AGO4: variants seen among roughly 807,000 people sequenced by gnomAD.
The protein encoded by AGO4 is argonaute RISC component 4, also known as protein argonaute-4.
A neutral mutation model predicts 104.7 loss-of-function variants in AGO4; 33 were observed. That is an observed-to-expected ratio of 0.32 (90% CI 0.24 to 0.42). The LOEUF is 0.42. Among genes scored for constraint, AGO4 ranks in the 10% least tolerant of loss-of-function variants. AGO4 has a pLI of 1.00. For missense variants in AGO4, 711 were observed against 1,083.4 expected, an observed-to-expected ratio of 0.66 and a Z score of 4.83; for synonymous variants, 331 against 364.7, an observed-to-expected ratio of 0.91 and a Z score of 1.05.
intron 11 of AGO4, among the ~76,000 whole-genome samples, chr1:35,833,395 C>T (rs936098411): frequency 1.3e-5 from 2 of 152,132 alleles, no homozygotes; most frequent in African/African-American, 4.8e-5. Flanking sequence ...CAAAGGAATT[C>T]TGAAAGCTTT....
In AGO4 at chr1:35,856,964, C is replaced by A. The variant is rs1324068497; in HGVS notation, c.*3359C>A. Reference sequence around the variant, plus strand: ...TAGCTGGCTTAATGCAGCCAGCGTTCTGGGCAGCAGAACATATTCATTCTT... The same window carrying A: ...TAGCTGGCTTAATGCAGCCAGCGTTATGGGCAGCAGAACATATTCATTCTT... On this transcript the variant is annotated 3_prime_UTR_variant, in exon 18 of 18. Coordinates refer to ENST00000373210, the MANE Select transcript of AGO4 (RefSeq NM_017629.4). 6.6e-6 allele frequency: 1 copy of A among 152,190 alleles called. No individual in the cohort carries two copies. The highest frequency in any genetic ancestry group is 2.4e-5 in the African/African-American group (1 of 41,428). The allele number at this position is 152,190 out of a possible 1,614,324, so 9.4% of individuals were successfully genotyped here.
Position 35,853,546 on chromosome 1 carries a change from G to A in AGO4, c.2527G>A (p.Ala843Thr). Residue 843 changes from alanine (A) to threonine (T), a missense_variant, in exon 18 of 18, where the codon GCC becomes ACC. Around this residue, in one of 3 missense-constraint regions of AGO4, gnomAD observed 401 missense variants for 665.5 expected, o/e 0.60. Transcript: ENST00000373210. ...SGQSNGRDPQ[A>T]LAKAVQIHHD... ...ACAGAGCAACGGCCGGGATCCTCAG[G>A]CCTTGGCTAAGGCTGTGCAAATCCA... 2 of 1,613,984 alleles carry A rather than the reference G, an allele frequency of 1.2e-6. No individual in the cohort carries two copies. Among genetic ancestry groups the A allele is most frequent in the Non-Finnish European group, 1.7e-6 (2 of 1,179,950 alleles).
rs181969586 is a variant in AGO4 at position 35,844,533 on chromosome 1, C to G, written c.2175+2783C>G. On this transcript the variant is annotated intron_variant, in intron 15 of 17. Coordinates refer to ENST00000373210, the MANE Select transcript of AGO4 (RefSeq NM_017629.4). Reference sequence around the variant, plus strand: ...CCAACAAAGTCCTATCGTCTATTTCCCTCCAAAAACAAGATCTAGAAGGCA... The same window carrying G: ...CCAACAAAGTCCTATCGTCTATTTCGCTCCAAAAACAAGATCTAGAAGGCA... 6.3e-3 allele frequency among the ~76,000 whole-genome samples: 957 copies of G among 152,210 alleles called. 14 individuals are homozygous for G. Among genetic ancestry groups the G allele is most frequent in the African/African-American group, 0.022 (911 of 41,526 alleles).
intron 1 of AGO4, among the ~76,000 whole-genome samples, chr1:35,812,899 A>C (rs188471908): frequency 6.6e-6 from 1 of 152,088 alleles, no homozygotes; most frequent in Non-Finnish European, 1.5e-5. Flanking sequence ...GCCTCTTACA[A>C]CTTTATGAAT....
chr1:35,833,967 T>C, intron 11 of AGO4, 23 bp from the exon 12 acceptor site: 1 of 1,446,106 alleles, frequency 6.9e-7, no homozygotes, highest in Non-Finnish European at 9.2e-7. Flanking sequence ...AAAAAAACCG[T>C]GTTACTGGTT....
In AGO4 at chr1:35,826,821, A is replaced by G; in HGVS notation, c.834A>G (p.Pro278=). The G allele has an allele frequency of 6.2e-7, 1 of 1,614,170 alleles. No homozygotes were observed. Among genetic ancestry groups the G allele is most frequent in the African/African-American group, 1.3e-5 (1 of 75,060 alleles). ...KYRVCNVTRR[P]ASHQTFPLQL... ...GAGTTTGTAATGTGACTAGACGGCC[A>G]GCCAGTCATCAAACGTATGTTAACC... The change falls in exon 7 of 18, where the codon CCA becomes CCG. Residue 278 remains proline, a synonymous_variant. Coordinates refer to ENST00000373210, the MANE Select transcript of AGO4 (RefSeq NM_017629.4).
chr1:35,825,856 G>T, intron 5 of AGO4, 41 bp downstream of exon 5: 1 of 1,595,764 alleles, frequency 6.3e-7, no homozygotes, highest in Non-Finnish European at 8.5e-7. Context: ...CTTTGGGCTG[G>T]TTTTTGTTTG....
In AGO4 at chr1:35,808,650, G is replaced by C. The variant is rs547183301; in HGVS notation, c.19+215G>C. Among the ~76,000 whole-genome samples the C allele has an allele frequency of 5.9e-5, 9 of 152,228 alleles. No individual in the cohort carries two copies. In the South Asian group the frequency reaches 1.5e-3, roughly 25 times the overall value. On this transcript the variant is annotated intron_variant, in intron 1 of 17. Coordinates refer to ENST00000373210, the MANE Select transcript of AGO4 (RefSeq NM_017629.4). This position sits in a 1 kb window ranked among gnomAD's most constrained non-coding sequence, Gnocchi z 5.2. ...CCGTTGGGTGGATCCCGAGGTCCAG[G>C]GGGGAGGTTCGGGAAGGTGACCGGC... is the stretch of plus-strand genomic sequence containing the variant.
chr1:35,853,561 G>A lies in AGO4; in HGVS notation c.2542G>A (p.Val848Met). 1 of 1,614,016 alleles carries A rather than the reference G, an allele frequency of 6.2e-7. No homozygotes were observed. ...GGATCCTCAGGCCTTGGCTAAGGCT[G>A]TGCAAATCCACCATGATACCCAGCA... The part of the protein sequence containing the change: ...GRDPQALAKA[V>M]QIHHDTQHTM... Residue 848 changes from valine (V) to methionine (M), a missense_variant, in exon 18 of 18, where the codon GTG (valine) becomes ATG (methionine). Transcript: ENST00000373210.
Position 35,826,000 on chromosome 1 carries a change from A to C in AGO4, c.700A>C (p.Asn234His). Reference sequence around the variant, plus strand: ...TGAGGTTTTAGACATTCAGAACATCAATGAACAGACCAAACCTCTAACAGA... The same window carrying C: ...TGAGGTTTTAGACATTCAGAACATCCATGAACAGACCAAACCTCTAACAGA... ...MCEVLDIQNI[N>H]EQTKPLTDSQ... The change falls in exon 6 of 18, where the codon AAT (asparagine) becomes CAT (histidine). Residue 234 changes from asparagine (N) to histidine (H), a missense_variant. Asn to His is a moderately conservative substitution (Grantham distance 68). This residue lies in a region of AGO4 where 308 missense variants were observed against 397.8 expected (regional missense o/e 0.77). Coordinates refer to ENST00000373210, the MANE Select transcript of AGO4 (RefSeq NM_017629.4). 6.2e-7 allele frequency: 1 copy of C among 1,614,206 alleles called. No homozygotes were observed. Among genetic ancestry groups the C allele is most frequent in the Non-Finnish European group, 8.5e-7 (1 of 1,180,034 alleles).
chr1:35,835,006 C>CTTT (rs34516326), intron 12 of AGO4, among the ~76,000 whole-genome samples: 2,948 of 102,734 alleles, frequency 0.029, 63 homozygotes, highest in Non-Finnish European at 0.044. Context: ...CAGTTTTAAA[C>CTTT]TTTTTTTTTT....
chr1:35,810,806 G>A (rs1263583275), intron 1 of AGO4, among the ~76,000 whole-genome samples: 1 of 152,136 alleles, frequency 6.6e-6, no homozygotes, highest in Non-Finnish European at 1.5e-5. Context: ...TTCAGAGAAT[G>A]CAGTTATCTG....
At chr1:35,833,082 C>T (rs1450574081) in intron 11 of AGO4, among the ~76,000 whole-genome samples, 2 of 152,014 alleles carry the variant, frequency 1.3e-5, no homozygotes, top group African/African-American at 2.4e-5. Flanking sequence ...AGATCGAGAT[C>T]ATCCTGGCCA....
chr1:35,831,268 A>G (rs1429226081), intron 7 of AGO4, among the ~76,000 whole-genome samples, 159 bp from the exon 8 acceptor site: 1 of 152,110 alleles, frequency 6.6e-6, no homozygotes. Context: ...AAGATGAGGC[A>G]TGAGAATCCA....
rs1192901980 is a variant in AGO4, at chr1:35,825,484, C to T, written c.478C>T (p.Pro160Ser). 1.9e-6 allele frequency: 3 copies of T among 1,614,074 alleles called. No individual in the cohort carries two copies. Among genetic ancestry groups the T allele is most frequent in the Admixed American group, 3.3e-5 (2 of 59,996 alleles). ...QALDVITRHLPSMRYTPVGRS... is the reference protein window; with the variant it reads ...QALDVITRHLSSMRYTPVGRS... ...ACTTGATGTTATCACAAGACACCTT[C>T]CCTCCATGAGGTTAGTACCTTGGTT... Residue 160 changes from proline to serine, a missense_variant, in exon 4 of 18, where the codon CCC becomes TCC. Coordinates refer to ENST00000373210, the MANE Select transcript of AGO4 (RefSeq NM_017629.4).
At chr1:35,843,074 C>CT (rs1557577148) in intron 15 of AGO4, among the ~76,000 whole-genome samples, 1 of 151,854 alleles carries the variant, frequency 6.6e-6, no homozygotes, top group East Asian at 1.9e-4. Context: ...TCTTTTTTCT[C>CT]TTTTTTTGAG....
chr1:35,841,545 A>G lies in AGO4; in HGVS notation c.2040+65A>G. 5.6e-6 allele frequency: 9 copies of G among 1,609,268 alleles called. No homozygotes were observed. Among genetic ancestry groups the G allele is most frequent in the Non-Finnish European group, 7.7e-6 (9 of 1,176,212 alleles). On this transcript the variant is annotated intron_variant, in intron 14 of 17. Coordinates refer to ENST00000373210, the MANE Select transcript of AGO4 (RefSeq NM_017629.4). The surrounding 1 kb of genome is among the most constrained non-coding windows in gnomAD (Gnocchi z 4.7). The stretch of plus-strand genomic sequence containing the variant: ...AGTCTGAGGGAGATTCCTCTCATCT[A>G]CCATTCTGGGTAGATCTGAGAGATA...
intron 16 of AGO4, among the ~76,000 whole-genome samples, 172 bp from the exon 17 acceptor site, chr1:35,850,682 G>A (rs999266382): frequency 1.3e-5 from 2 of 149,668 alleles, no homozygotes; most frequent in Non-Finnish European, 1.5e-5. Context: ...TTGGGAGGCC[G>A]AGGCAGGAGA....
In AGO4 at chr1:35,834,165, C is replaced by G; in HGVS notation, c.1555C>G (p.Pro519Ala). 4 of 1,596,970 alleles carry G rather than the reference C, an allele frequency of 2.5e-6. No homozygotes were observed. The highest frequency in any genetic ancestry group is 3.4e-6 in the Non-Finnish European group (4 of 1,173,126). The change falls in exon 12 of 18, where the codon CCA becomes GCA. Residue 519 changes from proline (P) to alanine (A), a missense_variant. By Grantham distance (27) the Pro-to-Ala change is conservative. Coordinates refer to ENST00000373210, the MANE Select transcript of AGO4 (RefSeq NM_017629.4). ...AGTGGTTATCCTGCCTGGAAAGACA[C>G]CAGTATATGGTATGGACCCTTTTAA... ...LIVVILPGKT[P>A]VYAEVKRVGD...
Sources: allele counts gnomAD v4.1 joint callset (sites outside exome capture counted in the v4.1 genomes callset), GRCh38; gene constraint gnomAD v4.1.1; regional missense constraint gnomAD v4.1.1; non-coding constraint Gnocchi (gnomAD v3.1); transcripts MANE v1.5; gene names NCBI Gene and HGNC (gene_info 2026-07-23, HGNC 2026-07-21).